The following NCKAP5 variants were observed in gnomAD, a reference collection of about 807,000 sequenced individuals.
The protein encoded by NCKAP5 is NCK associated protein 5, also known as nck-associated protein 5.
In NCKAP5, 92 loss-of-function variants were observed where a neutral mutation model predicts 167.0. That is an observed-to-expected ratio of 0.55 (90% CI 0.47 to 0.66). The LOEUF (loss-of-function observed/expected upper bound fraction) is 0.66. Among genes scored for constraint, NCKAP5 ranks in the 30% least tolerant of loss-of-function variants. NCKAP5 has a pLI of 0.00. For missense variants in NCKAP5, 2,378 were observed against 2,315.0 expected, an observed-to-expected ratio of 1.03 and a Z score of -0.56; for synonymous variants, 891 against 877.4, an observed-to-expected ratio of 1.02 and a Z score of -0.27.
intron 3 of NCKAP5, among the ~76,000 whole-genome samples, chr2:133,344,864 A>G (rs1189688718): frequency 6.6e-6 from 1 of 152,060 alleles, no homozygotes; most frequent in East Asian, 1.9e-4. Context: ...AGAATTATTG[A>G]CAGACATGTG....
chr2:133,334,509 A>G (rs995531227), intron 3 of NCKAP5, among the ~76,000 whole-genome samples: 38 of 152,260 alleles, frequency 2.5e-4, no homozygotes, highest in African/African-American at 8.7e-4. Context: ...GTTGTCTGAC[A>G]TTTCATAGGT....
chr2:132,812,123 C>A lies in NCKAP5; in HGVS notation c.808-15394G>T, dbSNP rs140579514. Among the ~76,000 whole-genome samples the A allele has an allele frequency of 4.4e-3, 671 of 152,256 alleles. 5 individuals are homozygous for A. The highest frequency in any genetic ancestry group is 0.015 in the African/African-American group (627 of 41,548). ...GTTGGGGCACTCACAGTATTTGGGGCATCTCCTGGGTCCTGCAGGAGCGGT... is the reference window on the plus strand; with the variant it reads ...GTTGGGGCACTCACAGTATTTGGGGAATCTCCTGGGTCCTGCAGGAGCGGT... On this transcript the variant is annotated intron_variant, in intron 11 of 19. Coordinates refer to ENST00000409261, the MANE Select transcript of NCKAP5 (RefSeq NM_207363.3).
intron 3 of NCKAP5, among the ~76,000 whole-genome samples, chr2:133,370,763 T>C (rs1346217995): frequency 6.6e-6 from 1 of 152,018 alleles, no homozygotes; most frequent in Non-Finnish European, 1.5e-5. Flanking sequence ...AGATTTGTTC[T>C]TCAGGATTTT....
intron 6 of NCKAP5, among the ~76,000 whole-genome samples, chr2:133,002,279 G>A (rs6708646): frequency 0.64 from 97,966 of 152,068 alleles, 31,997 homozygotes; most frequent in Middle Eastern, 0.8. Flanking sequence ...AAAGCTCTAT[G>A]TATACTTTCC....
intron 3 of NCKAP5, among the ~76,000 whole-genome samples, chr2:133,424,473 G>A (rs915217880): frequency 6.6e-6 from 1 of 152,324 alleles, no homozygotes; most frequent in South Asian, 2.1e-4. Flanking sequence ...TTAAAATTCA[G>A]TTGACTTTTT....
At chr2:132,776,139 C>T (rs921305723) in intron 15 of NCKAP5, among the ~76,000 whole-genome samples, 4 of 152,220 alleles carry the variant, frequency 2.6e-5, no homozygotes, top group African/African-American at 7.2e-5. Context: ...TCAGAGTGCC[C>T]TGTCCTGTTA....
chr2:133,453,452 A>G (rs1691668177), intron 3 of NCKAP5, among the ~76,000 whole-genome samples: 1 of 152,142 alleles, frequency 6.6e-6, no homozygotes, highest in South Asian at 2.1e-4. Context: ...AATTCTAATA[A>G]CAATTCCTAA....
rs201643860 is a variant in NCKAP5, at chr2:133,385,606, A to C, written c.70-82496T>G. Among the ~76,000 whole-genome samples the C allele has an allele frequency of 6.6e-5, 10 of 152,292 alleles. No individual in the cohort carries two copies. In the East Asian group the frequency reaches 1.9e-3, roughly 29 times the overall value. On this transcript the variant is annotated intron_variant, in intron 3 of 19. Transcript: ENST00000409261. Reference sequence around the variant, plus strand: ...TCCCTCTTTTTCTATTGATTGGAATAGTTTCAGAAGGAATGGTACCAGCCC... The same window carrying C: ...TCCCTCTTTTTCTATTGATTGGAATCGTTTCAGAAGGAATGGTACCAGCCC...
At chr2:132,770,621 A>G (rs1448245577) in intron 16 of NCKAP5, among the ~76,000 whole-genome samples, 2 of 152,222 alleles carry the variant, frequency 1.3e-5, no homozygotes, top group East Asian at 1.9e-4. Flanking sequence ...TATCAAAAAC[A>G]TGGTTCAAAT....
At chr2:132,966,282 T>G (rs1230456084) in intron 7 of NCKAP5, among the ~76,000 whole-genome samples, 3 of 152,110 alleles carry the variant, frequency 2.0e-5, no homozygotes, top group Admixed American at 6.5e-5. Flanking sequence ...GTATTTTTAG[T>G]AGAGGCAGGG....
Position 133,362,732 on chromosome 2 carries a change from T to C in NCKAP5, c.70-59622A>G, listed in dbSNP as rs746973576. On this transcript the variant is annotated intron_variant, in intron 3 of 19. Coordinates refer to ENST00000409261, the MANE Select transcript of NCKAP5 (RefSeq NM_207363.3). The stretch of plus-strand genomic sequence containing the variant: ...AGTGAATCTGGATTGCAGCCAGATA[T>C]GTAATCATGTATTTCTTTGTTGTTG... Among the ~76,000 whole-genome samples the C allele has an allele frequency of 2.0e-5, 3 of 148,918 alleles. No homozygotes were observed. The South Asian group carries it at 6.4e-4, about 32-fold the overall frequency.
chr2:133,548,103 C>G (rs368520637), intron 2 of NCKAP5, among the ~76,000 whole-genome samples: 1 of 148,136 alleles, frequency 6.8e-6, no homozygotes, highest in Non-Finnish European at 1.5e-5. Flanking sequence ...GGAGCCAATG[C>G]GATCAACTGG....
intron 3 of NCKAP5, among the ~76,000 whole-genome samples, chr2:133,359,859 G>A (rs1231414935): frequency 6.6e-6 from 1 of 152,122 alleles, no homozygotes; most frequent in African/African-American, 2.4e-5. Context: ...ATTAAGAGAA[G>A]ATATAGCCAC....
chr2:133,612,582 T>A, the NCKAP5 span, among the ~76,000 whole-genome samples: 1 of 152,178 alleles, frequency 6.6e-6, no homozygotes. Flanking sequence ...AAGTTGGCAT[T>A]TTAGATTTTA....
rs146218658 is a variant in NCKAP5 at position 133,126,376 on chromosome 2, G to A, written c.341+3602C>T. 3.0e-4 allele frequency among the ~76,000 whole-genome samples: 45 copies of A among 152,310 alleles called. 1 individual carries two copies. The East Asian group carries it at 8.7e-3, about 29-fold the overall frequency. On this transcript the variant is annotated intron_variant, in intron 6 of 19. Coordinates refer to ENST00000409261, the MANE Select transcript of NCKAP5 (RefSeq NM_207363.3). ...TTCCCACATTCATAGTATTAGAAAA[G>A]CACATGTATATATCTGGAGATTCCC...
chr2:133,519,818 T>C (rs1684324912), intron 2 of NCKAP5, among the ~76,000 whole-genome samples: 1 of 152,210 alleles, frequency 6.6e-6, no homozygotes, highest in African/African-American at 2.4e-5. Context: ...GTGAGGCATA[T>C]AGAAAACAAG....
intron 6 of NCKAP5, among the ~76,000 whole-genome samples, chr2:133,070,428 G>A (rs752399145): frequency 2.0e-5 from 3 of 152,130 alleles, no homozygotes; most frequent in Admixed American, 6.5e-5. Context: ...GAAGGTGCCT[G>A]TGTGTCAATC....
At chr2:132,878,155 G>T (rs1172143613) in intron 9 of NCKAP5, among the ~76,000 whole-genome samples, 3 of 152,188 alleles carry the variant, frequency 2.0e-5, no homozygotes, top group Non-Finnish European at 4.4e-5. Context: ...TGACAGCGGG[G>T]GAGGACGAGG....
At chr2:133,134,313 T>C (rs2082710386) in intron 5 of NCKAP5, among the ~76,000 whole-genome samples, 1 of 152,242 alleles carries the variant, frequency 6.6e-6, no homozygotes, top group Non-Finnish European at 1.5e-5. Flanking sequence ...ATATTTATTG[T>C]AGTATTTATG....
Sources: allele counts gnomAD v4.1 joint callset (sites outside exome capture counted in the v4.1 genomes callset), GRCh38; gene constraint gnomAD v4.1.1; transcripts MANE v1.5; gene names NCBI Gene and HGNC (gene_info 2026-07-23, HGNC 2026-07-21).